Variants in KIR3DL3 observed in about 807,000 individuals in gnomAD.
KIR3DL3 encodes killer cell immunoglobulin like receptor, three Ig domains and long cytoplasmic tail 3, also known as killer cell immunoglobulin-like receptor 3DL3.
Under a neutral mutation model 34.9 loss-of-function variants are expected in KIR3DL3, and 27 were observed. The observed-to-expected ratio is 0.77, with a 90% CI of 0.57 to 1.07. The LOEUF (loss-of-function observed/expected upper bound fraction) is 1.07, where lower values mean the gene tolerates loss of function less well. Ranked by LOEUF, KIR3DL3 falls within the 50% of genes least tolerant of loss-of-function variation. The pLI, the probability that KIR3DL3 is intolerant of heterozygous loss-of-function variation, is 0.00. For missense variants in KIR3DL3, 681 were observed against 528.5 expected, an observed-to-expected ratio of 1.29 and a Z score of -2.83; for synonymous variants, 217 against 200.2, an observed-to-expected ratio of 1.08 and a Z score of -0.71.
At position 54,726,151 on chromosome 19, in the gene KIR3DL3, G is replaced by A. The variant is rs1385416819; in HGVS notation, c.169G>A (p.Glu57Lys). 42 of 1,612,600 alleles carry A rather than the reference G, an allele frequency of 2.6e-5. No homozygotes were observed. The South Asian group carries it at 2.9e-4, about 11-fold the overall frequency. The change falls in exon 3 of 8, where the codon GAA becomes AAA. Residue 57 changes from glutamate to lysine, a missense_variant. Transcript: ENST00000291860. Reference protein sequence around the residue: ...LQCRSRLGFNEFSLSKEDGMP... With the variant: ...LQCRSRLGFNKFSLSKEDGMP... ...GTGTCGCTCTCGTCTTGGGTTTAAT[G>A]AATTCAGTCTGTCCAAAGAAGACGG...
chr19:54,730,226 T>C (rs2068655547), intron 5 of KIR3DL3, among the ~76,000 whole-genome samples: 3 of 151,390 alleles, frequency 2.0e-5, no homozygotes, highest in Non-Finnish European at 4.4e-5. Context: ...TTTACCACCT[T>C]TACCATTTTT....
chr19:54,728,056 C>A, intron 4 of KIR3DL3, 146 bp downstream of exon 4: 1 of 793,132 alleles, frequency 1.3e-6, no homozygotes, highest in Non-Finnish European at 2.1e-6. Context: ...CCAACAAAGG[C>A]AGAGAAACAG....
intron 4 of KIR3DL3, among the ~76,000 whole-genome samples, chr19:54,728,936 G>A (rs1348093615): frequency 2.7e-5 from 4 of 149,250 alleles, no homozygotes; most frequent in African/African-American, 9.8e-5. Flanking sequence ...ATGACTGATA[G>A]ATGATATAGA....
chr19:54,732,469 G>C (rs200304792), intron 5 of KIR3DL3, among the ~76,000 whole-genome samples: 8,249 of 151,956 alleles, frequency 0.054, 296 homozygotes, highest in South Asian at 0.083. Context: ...TGTTGTGCAG[G>C]CTGTCTCAAA....
chr19:54,730,950 C>T (rs947851155), intron 5 of KIR3DL3, among the ~76,000 whole-genome samples: 8 of 152,168 alleles, frequency 5.3e-5, no homozygotes, highest in African/African-American at 2.4e-5. Flanking sequence ...TACACCCAGT[C>T]ATGGAATTGC....
At chr19:54,735,478 G>C in intron 6 of KIR3DL3, 121 bp downstream of exon 6, 1 of 621,070 alleles carries the variant, frequency 1.6e-6, no homozygotes, top group Non-Finnish European at 2.8e-6. Flanking sequence ...GAGCCACAGA[G>C]GCAGGACTTT....
chr19:54,735,770 G>A (rs764194440), intron 6 of KIR3DL3, 50 bp from the exon 7 acceptor site: 1 of 1,602,828 alleles, frequency 6.2e-7, no homozygotes. Flanking sequence ...TATGAAATGA[G>A]GACCCAGAAG....
At chr19:54,725,388 G>T in intron 2 of KIR3DL3, 106 bp downstream of exon 2, 2 of 873,428 alleles carry the variant, frequency 2.3e-6, no homozygotes, top group Non-Finnish European at 3.4e-6. Flanking sequence ...CTGACCATGG[G>T]AAGCCATGTG....
In KIR3DL3 at chr19:54,726,266, G is replaced by A; in HGVS notation, c.284G>A (p.Cys95Tyr). 6.2e-7 allele frequency: 1 copy of A among 1,613,982 alleles called. No individual in the cohort carries two copies. ...CCAGCACATGCAGGGACCTACAGATGTTGCAGTTCACACCCACACTCCCCC... is the reference window on the plus strand; with the variant it reads ...CCAGCACATGCAGGGACCTACAGATATTGCAGTTCACACCCACACTCCCCC... ...VTPAHAGTYRCCSSHPHSPTG... is the reference protein window; with the variant it reads ...VTPAHAGTYRYCSSHPHSPTG... Residue 95 changes from cysteine to tyrosine, a missense_variant, in exon 3 of 8, where the codon TGT becomes TAT. By Grantham distance (194) the Cys-to-Tyr change is radical (BLOSUM62 -2). Transcript: ENST00000291860.
At chr19:54,724,601 C>A (rs1246315499) in intron 1 of KIR3DL3, 71 bp downstream of exon 1, 2 of 1,568,170 alleles carry the variant, frequency 1.3e-6, no homozygotes, top group Non-Finnish European at 8.6e-7. Flanking sequence ...GAGATCTGGG[C>A]CTGGAGTGGA....
At chr19:54,734,593 T>A (rs2069226809) in intron 5 of KIR3DL3, among the ~76,000 whole-genome samples, 1 of 150,446 alleles carries the variant, frequency 6.6e-6, no homozygotes, top group Non-Finnish European at 1.5e-5. Context: ...CAGGCTGTTC[T>A]GGGATGTTCC....
intron 4 of KIR3DL3, among the ~76,000 whole-genome samples, chr19:54,729,008 T>A (rs1477152010): frequency 7.3e-6 from 1 of 137,322 alleles, no homozygotes; most frequent in African/African-American, 2.6e-5. Flanking sequence ...GAAAGACAGA[T>A]AAACACATGA....
Position 54,735,291 on chromosome 19 carries a change from G to C in KIR3DL3, c.988G>C (p.Val330Leu), listed in dbSNP as rs774018743. 1.3e-6 allele frequency: 2 copies of C among 1,528,678 alleles called. No individual in the cohort carries two copies. The highest frequency in any genetic ancestry group is 2.3e-5 in the South Asian group (2 of 88,194). 94.7% of individuals were successfully genotyped at this position (1,528,678 alleles called of 1,614,324 possible). The change falls in exon 6 of 8, where the codon GTG (valine) becomes CTG (leucine). Residue 330 changes from valine (V) to leucine (L), a missense_variant. Val to Leu is a conservative substitution (Grantham distance 32). Transcript: ENST00000291860. ...CCTGCACGTTCTGATTGGGACCTCA[G>C]TGGTCATCATCCCCTTTGCTATCCT... ...RNLHVLIGTSVVIIPFAILLF... is the reference protein window; with the variant it reads ...RNLHVLIGTSLVIIPFAILLF...
Position 54,736,049 on chromosome 19 carries a change from C to G in KIR3DL3, c.1186C>G (p.Arg396Gly). 1 of 1,613,742 alleles carries G rather than the reference C, an allele frequency of 6.2e-7. No homozygotes were observed. The highest frequency in any genetic ancestry group is 8.5e-7 in the Non-Finnish European group (1 of 1,179,992). ...HCVFTQRKITRPSQRPKTPPT... is the reference protein window; with the variant it reads ...HCVFTQRKITGPSQRPKTPPT... ...CGTTTTCACACAGAGAAAAATCACT[C>G]GCCCTTCTCAGAGGCCCAAGACACC... Residue 396 changes from arginine (R) to glycine (G), a missense_variant, in exon 8 of 8, where the codon CGC (arginine) becomes GGC (glycine). Transcript: ENST00000291860.
In KIR3DL3 at chr19:54,724,507, T is replaced by C. The variant is rs2067895059; in HGVS notation, c.11T>C (p.Met4Thr). The stretch of plus-strand genomic sequence containing the variant: ...TGCACCGGCAGCACCATGTCGCTCA[T>C]GGTCGTCAGCATGGCGTGTGTTGGT... The part of the protein sequence containing the change: MSL[M>T]VVSMACVGFF... Residue 4 changes from methionine to threonine, a missense_variant, in exon 1 of 8, where the codon ATG becomes ACG. By Grantham distance (81) the Met-to-Thr change is moderately conservative (BLOSUM62 -1). Coordinates refer to ENST00000291860, the MANE Select transcript of KIR3DL3 (RefSeq NM_153443.5). 6.2e-7 allele frequency: 1 copy of C among 1,612,646 alleles called. No individual in the cohort carries two copies. The highest frequency in any genetic ancestry group is 1.3e-5 in the African/African-American group (1 of 74,712).
In KIR3DL3 at chr19:54,729,881, C is replaced by G. The variant is rs1382186795; in HGVS notation, c.949+95C>G. Reference sequence around the variant, plus strand: ...GATGGAGAGAAGCATGGACAGATGCCGAGACAGAACACACAGCATGGGTGT... The same window carrying G: ...GATGGAGAGAAGCATGGACAGATGCGGAGACAGAACACACAGCATGGGTGT... On this transcript the variant is annotated intron_variant, in intron 5 of 7. Coordinates refer to ENST00000291860, the MANE Select transcript of KIR3DL3 (RefSeq NM_153443.5). The G allele has an allele frequency of 1.7e-4, 200 of 1,210,178 alleles. 3 individuals are homozygous for G. The highest frequency in any genetic ancestry group is 1.7e-4 in the East Asian group (6 of 36,256). The allele number at this position is 1,210,178 out of a possible 1,614,324, so 75.0% of individuals were successfully genotyped here. A position where few individuals can be genotyped will look rare whatever the true frequency, so the allele number is the denominator to read the frequency against.
In KIR3DL3 at chr19:54,727,694, GA is replaced by G. The variant is rs1310050890; in HGVS notation, c.440del (p.Asp147ValfsTer39). 1 of 1,612,794 alleles carries G rather than the reference GA, an allele frequency of 6.2e-7. No homozygotes were observed. Among genetic ancestry groups the G allele is most frequent in the Non-Finnish European group, 8.5e-7 (1 of 1,179,746 alleles). ...GACGGTCATCCTGCAATGTTGGTCA[GA>G]TGTCAGGTTTGAGCGCTTCCTTCTG... ...GETVILQCWS[D>X]VRFERFLLHR... On this transcript the variant is annotated frameshift_variant, in exon 4 of 8. Coordinates refer to ENST00000291860, the MANE Select transcript of KIR3DL3 (RefSeq NM_153443.5). LOFTEE classifies it high-confidence loss of function.
In KIR3DL3 at chr19:54,735,827, T is replaced by C. The variant is rs1342893794; in HGVS notation, c.1062T>C (p.Val354=). ...HRWCANKKNA[V]VMDQEPAGNR... is the part of the protein sequence containing the mutation. ...GACTTCCGTCTTCTACAGATGCTGT[T>C]GTAATGGACCAAGAGCCTGCAGGGA... Residue 354 remains valine, a synonymous_variant, in exon 7 of 8, where the codon GTT becomes GTC. Coordinates refer to ENST00000291860, the MANE Select transcript of KIR3DL3 (RefSeq NM_153443.5). The C allele has an allele frequency of 1.2e-6, 2 of 1,607,664 alleles. No homozygotes were observed. Among genetic ancestry groups the C allele is most frequent in the Non-Finnish European group, 1.7e-6 (2 of 1,178,338 alleles).
chr19:54,727,147 A>G (rs1199800724), intron 3 of KIR3DL3, among the ~76,000 whole-genome samples: 2 of 134,186 alleles, frequency 1.5e-5, no homozygotes, highest in Admixed American at 8.3e-5. Context: ...GGGGCCATGG[A>G]GAAGGCACAG....
Sources: gnomAD v4.1 joint callset for allele counts (sites outside exome capture counted in the v4.1 genomes callset) on GRCh38, gnomAD v4.1.1 for gene constraint, MANE v1.5 for transcripts, NCBI Gene and HGNC (gene_info 2026-07-23, HGNC 2026-07-21) for gene names.